The following VSIG1 variants were observed in gnomAD, a reference collection of about 807,000 sequenced individuals.
VSIG1 encodes V-set and immunoglobulin domain containing 1.
Under a neutral mutation model 20.1 loss-of-function variants are expected in VSIG1, and 11 were observed. The observed-to-expected ratio is 0.55, with a 90% CI of 0.34 to 0.91. The LOEUF (loss-of-function observed/expected upper bound fraction) is 0.91, where lower values mean the gene tolerates loss of function less well. Among genes scored for constraint, VSIG1 ranks in the 40% least tolerant of loss-of-function variants. The probability of loss-of-function intolerance (pLI) is 0.02; values close to 1 mark genes in which losing one functional copy is unlikely to be tolerated. For missense variants in VSIG1, 283 were observed against 298.8 expected (o/e 0.95, Z 0.39); for synonymous variants, 126 against 116.7 (o/e 1.08, Z -0.52).
upstream of VSIG1, among the ~76,000 whole-genome samples, chrX:108,041,377 A>G (rs1297459922): frequency 8.9e-6 from 1 of 111,940 alleles, no homozygotes; most frequent in Non-Finnish European, 1.9e-5. Flanking sequence ...GATTAAATAA[A>G]TTGAGGTACA....
At chrX:108,051,850 C>T (rs2030791853) in intron 1 of VSIG1, among the ~76,000 whole-genome samples, 3 of 111,353 alleles carry the variant, frequency 2.7e-5, no homozygotes, top group Admixed American at 9.5e-5. Flanking sequence ...ATGAATGAAC[C>T]TGGGGGACAT....
chrX:108,077,711 C>CT lies in VSIG1; in HGVS notation c.*339dup, dbSNP rs200130481. 0.029 allele frequency: 5,968 copies of CT among 207,161 alleles called. 381 individuals are homozygous for CT. Among genetic ancestry groups the CT allele is most frequent in the African/African-American group, 0.16 (5,388 of 33,225 alleles). 17.1% of individuals were successfully genotyped at this position (207,161 alleles called of 1,213,427 possible). ...TATTATTTCTCTCTTTTTAACTACT[C>CT]TTTTTTTTTATTTTAGACAGAGTCT... On this transcript the variant is annotated 3_prime_UTR_variant, in exon 7 of 7. Coordinates refer to ENST00000217957, the MANE Select transcript of VSIG1 (RefSeq NM_182607.5).
chrX:108,051,675 T>C (rs2030787543), intron 1 of VSIG1, among the ~76,000 whole-genome samples: 1 of 111,662 alleles, frequency 9.0e-6, no homozygotes, highest in Non-Finnish European at 1.9e-5. Flanking sequence ...ATGAGTTCGA[T>C]GTTGGAATTA....
At chrX:108,022,743 T>C in the VSIG1 span, among the ~76,000 whole-genome samples, 1 of 112,153 alleles carries the variant, frequency 8.9e-6, no homozygotes, top group African/African-American at 3.2e-5. Context: ...TGAAATTTGA[T>C]TTCCAAATTG....
intron 5 of VSIG1, among the ~76,000 whole-genome samples, chrX:108,074,987 A>C (rs2031322551): frequency 8.9e-6 from 1 of 112,476 alleles, no homozygotes; most frequent in Admixed American, 9.4e-5. Flanking sequence ...CCCCAAATGA[A>C]GCAATTATTA....
At chrX:108,056,916 T>G (rs73251775) in intron 1 of VSIG1, among the ~76,000 whole-genome samples, 30,749 of 111,422 alleles carry the variant, frequency 0.28, 4,272 homozygotes, top group Non-Finnish European at 0.42. Flanking sequence ...AAATAAAAAT[T>G]TATGTTCATG....
At chrX:108,071,582 T>C (rs781706766) in intron 3 of VSIG1, among the ~76,000 whole-genome samples, 2 of 110,814 alleles carry the variant, frequency 1.8e-5, no homozygotes, top group African/African-American at 3.3e-5. Context: ...TAGTACCCCT[T>C]CCTCCTTGTC....
chrX:108,040,935 C>T (rs2030470198), upstream of VSIG1, among the ~76,000 whole-genome samples: 1 of 109,616 alleles, frequency 9.1e-6, no homozygotes, highest in Admixed American at 9.8e-5. Context: ...AACTCCTGTT[C>T]CATGTGAGCC....
At chrX:108,028,529 G>C in the VSIG1 span, among the ~76,000 whole-genome samples, 2,381 of 111,317 alleles carry the variant, frequency 0.021, 75 homozygotes, top group African/African-American at 0.073. Context: ...GAAGCTGAGA[G>C]AAGTGTGAGG....
At chrX:108,035,933 G>A in the VSIG1 span, among the ~76,000 whole-genome samples, 2 of 106,691 alleles carry the variant, frequency 1.9e-5, no homozygotes, top group Admixed American at 1.0e-4. Flanking sequence ...GTGACCAATG[G>A]CAAGTCACTT....
chrX:108,066,883 T>C, intron 2 of VSIG1, 53 bp from the exon 3 acceptor site: 1 of 1,117,391 alleles, frequency 8.9e-7, no homozygotes, highest in Non-Finnish European at 1.2e-6. Context: ...TCAGGTAGCT[T>C]ATCCTAGTCC....
the VSIG1 span, among the ~76,000 whole-genome samples, chrX:108,029,160 TA>T: frequency 8.9e-6 from 1 of 112,543 alleles, no homozygotes; most frequent in East Asian, 2.8e-4. Context: ...TCATGGGACA[TA>T]CTTATGCTAA....
chrX:108,047,959 CACATAT>C (rs1386853002), intron 1 of VSIG1, among the ~76,000 whole-genome samples: 290 of 14,798 alleles, frequency 0.02, 36 homozygotes, highest in Admixed American at 0.06. Context: ...TATATACACA[CACATAT>C]ATATATATAT....
chrX:108,059,372 C>T (rs756013243), intron 2 of VSIG1, among the ~76,000 whole-genome samples: 23 of 111,088 alleles, frequency 2.1e-4, no homozygotes, highest in Admixed American at 2.0e-3. Flanking sequence ...CAGGAAATGC[C>T]GTACAGGGGG....
At position 108,078,237 on chromosome X, in the gene VSIG1, A is replaced by G. The variant is rs993291031; in HGVS notation, c.*856A>G. On this transcript the variant is annotated 3_prime_UTR_variant, in exon 7 of 7. Transcript: ENST00000217957. ...GCATTTAAAATCAGGTCTTATAATTAATGCTTCATTCCTCATATTAGATTT... is the reference window on the plus strand; with the variant it reads ...GCATTTAAAATCAGGTCTTATAATTGATGCTTCATTCCTCATATTAGATTT... 1 of 111,990 alleles carries G rather than the reference A, an allele frequency of 8.9e-6. No individual in the cohort carries two copies. The highest frequency in any genetic ancestry group is 3.2e-5 in the African/African-American group (1 of 30,806). 9.2% of individuals were successfully genotyped at this position (111,990 alleles called of 1,213,427 possible). A position where few individuals can be genotyped will look rare whatever the true frequency, so the allele number is the denominator to read the frequency against.
In VSIG1 at chrX:108,069,452, A is replaced by T. The variant is rs1225987475; in HGVS notation, c.412+2318A>T. Among the ~76,000 whole-genome samples the T allele has an allele frequency of 6.2e-5, 7 of 112,180 alleles. No individual in the cohort carries two copies. In the East Asian group the frequency reaches 2.0e-3, roughly 31 times the overall value. ...ACTGCTAATTTTCTCTAAAAATTGCAGCGACTATTTGCAATTCTCAAATCT... is the reference window on the plus strand; with the variant it reads ...ACTGCTAATTTTCTCTAAAAATTGCTGCGACTATTTGCAATTCTCAAATCT... On this transcript the variant is annotated intron_variant, in intron 3 of 6. Transcript: ENST00000217957.
rs1208218242 is a variant in VSIG1, at chrX:108,078,245, A to G, written c.*864A>G. On this transcript the variant is annotated 3_prime_UTR_variant, in exon 7 of 7. Coordinates refer to ENST00000217957, the MANE Select transcript of VSIG1 (RefSeq NM_182607.5). Reference sequence around the variant, plus strand: ...AATCAGGTCTTATAATTAATGCTTCATTCCTCATATTAGATTTCCCAAGAA... The same window carrying G: ...AATCAGGTCTTATAATTAATGCTTCGTTCCTCATATTAGATTTCCCAAGAA... The G allele has an allele frequency of 5.4e-5, 6 of 112,032 alleles. No individual in the cohort carries two copies. The highest frequency in any genetic ancestry group is 9.4e-5 in the Admixed American group (1 of 10,583). The allele number at this position is 112,032 out of a possible 1,213,427, so 9.2% of individuals were successfully genotyped here. A position where few individuals can be genotyped will look rare whatever the true frequency, so the allele number is the denominator to read the frequency against.
intron 5 of VSIG1, 124 bp from the exon 6 acceptor site, chrX:108,075,953 C>A: frequency 1.2e-6 from 1 of 863,261 alleles, no homozygotes; most frequent in Non-Finnish European, 1.6e-6. Flanking sequence ...GTTTCCATTT[C>A]CCTAGCCTAT....
At chrX:108,064,608 C>A (rs2031091464) in intron 2 of VSIG1, 1 of 306,010 alleles carries the variant, frequency 3.3e-6, no homozygotes, top group Admixed American at 9.3e-5. Flanking sequence ...CCTGGATCCT[C>A]TGGGACTTGC....
Sources: allele counts gnomAD v4.1 joint callset (sites outside exome capture counted in the v4.1 genomes callset), GRCh38; gene constraint gnomAD v4.1.1; transcripts MANE v1.5; gene names NCBI Gene and HGNC (gene_info 2026-07-23, HGNC 2026-07-21).